Variants in EFCAB7 observed in about 807,000 individuals in gnomAD.
EFCAB7 encodes the protein EF-hand calcium binding domain 7.
In EFCAB7, 66 loss-of-function variants were observed where a neutral mutation model predicts 77.1. The observed-to-expected ratio is 0.86, with a 90% CI of 0.70 to 1.05. The LOEUF is 1.05. Ranked by LOEUF, EFCAB7 falls within the 50% of genes least tolerant of loss-of-function variation. The pLI is 0.00. For missense variants in EFCAB7, 638 were observed against 730.5 expected (o/e 0.87, Z 1.46); for synonymous variants, 225 against 243.3 (o/e 0.92, Z 0.70).
intron 8 of EFCAB7, among the ~76,000 whole-genome samples, chr1:63,554,161 C>T (rs559198886): frequency 1.3e-4 from 20 of 152,046 alleles, no homozygotes; most frequent in Admixed American, 3.9e-4. Context: ...GGACATAATA[C>T]GTGAAAGGAT....
rs1490893218 is a variant in EFCAB7, at chr1:63,546,105, C to T, written c.946+48C>T. ...TTTTTAAAATGTCAATTTGTACCCT[C>T]CTTGAAAGTACTTATGTAAGTATTC... On this transcript the variant is annotated intron_variant, in intron 7 of 13. Transcript: ENST00000371088. 1.9e-6 allele frequency: 3 copies of T among 1,577,868 alleles called. No individual in the cohort carries two copies. The South Asian group carries it at 3.4e-5, about 18-fold the overall frequency.
intron 10 of EFCAB7, among the ~76,000 whole-genome samples, chr1:63,561,137 T>A (rs1301617729): frequency 2.0e-5 from 3 of 152,176 alleles, no homozygotes; most frequent in South Asian, 2.1e-4. Flanking sequence ...CCTGGGAAAA[T>A]GTAGTTGATT....
chr1:63,566,317 AG>A (rs1489030234), intron 11 of EFCAB7, among the ~76,000 whole-genome samples: 2 of 152,238 alleles, frequency 1.3e-5, no homozygotes, highest in African/African-American at 4.8e-5. Flanking sequence ...GGACACATAA[AG>A]GGGAACAACA....
chr1:63,571,670 C>CA (rs10605515), intron 13 of EFCAB7, among the ~76,000 whole-genome samples: 1,119 of 65,190 alleles, frequency 0.017, 60 homozygotes, highest in African/African-American at 0.051. Flanking sequence ...GACTCTGTCT[C>CA]AAAAAAAAAA....
chr1:63,580,270 T>G, the EFCAB7 span, among the ~76,000 whole-genome samples: 1 of 152,008 alleles, frequency 6.6e-6, no homozygotes, highest in Non-Finnish European at 1.5e-5. Context: ...TTGAGGTCCA[T>G]TTTTTTTCAT....
At chr1:63,537,305 C>G (rs1197846988) in intron 6 of EFCAB7, among the ~76,000 whole-genome samples, 4 of 152,122 alleles carry the variant, frequency 2.6e-5, no homozygotes, top group Non-Finnish European at 5.9e-5. Context: ...GTTGTAAACT[C>G]CAGAGATGCA....
At chr1:63,558,658 T>C (rs1049045228) in intron 10 of EFCAB7, among the ~76,000 whole-genome samples, 9 of 152,196 alleles carry the variant, frequency 5.9e-5, no homozygotes, top group African/African-American at 1.9e-4. Context: ...CCCTGAATAA[T>C]AAGAAAATGT....
At chr1:63,565,984 C>A (rs929316483) in intron 11 of EFCAB7, among the ~76,000 whole-genome samples, 2 of 152,180 alleles carry the variant, frequency 1.3e-5, no homozygotes, top group African/African-American at 2.4e-5. Flanking sequence ...TTCAATCCAG[C>A]AATCCTATTA....
chr1:63,530,106 T>C (rs79728893), intron 2 of EFCAB7, among the ~76,000 whole-genome samples: 4,933 of 152,286 alleles, frequency 0.032, 287 homozygotes, highest in African/African-American at 0.11. Context: ...CACCCTATAC[T>C]ATACTTGTGC....
chr1:63,543,745 A>G (rs12082977), intron 6 of EFCAB7, among the ~76,000 whole-genome samples: 2,969 of 152,220 alleles, frequency 0.02, 90 homozygotes, highest in African/African-American at 0.068. Flanking sequence ...TACAGCTAGC[A>G]TACACCTTTT....
At chr1:63,560,556 A>G (rs1383157159) in intron 10 of EFCAB7, among the ~76,000 whole-genome samples, 5 of 125,898 alleles carry the variant, frequency 4.0e-5, no homozygotes, top group Admixed American at 2.0e-4. Flanking sequence ...TCACTCTGTC[A>G]CCCAGGCTGT....
At position 63,546,100 on chromosome 1, in the gene EFCAB7, A is replaced by T. The variant is rs571567228; in HGVS notation, c.946+43A>T. 3.1e-6 allele frequency: 5 copies of T among 1,589,616 alleles called. No homozygotes were observed. In the East Asian group the frequency reaches 9.0e-5, roughly 28 times the overall value. Reference sequence around the variant, plus strand: ...GTATATTTTTAAAATGTCAATTTGTACCCTCCTTGAAAGTACTTATGTAAG... The same window carrying T: ...GTATATTTTTAAAATGTCAATTTGTTCCCTCCTTGAAAGTACTTATGTAAG... On this transcript the variant is annotated intron_variant, in intron 7 of 13. Transcript: ENST00000371088.
chr1:63,556,824 C>T (rs1378992384), intron 9 of EFCAB7, among the ~76,000 whole-genome samples: 2 of 150,652 alleles, frequency 1.3e-5, no homozygotes, highest in Non-Finnish European at 3.0e-5. Context: ...AGATCAAGAC[C>T]ATCCTGGCTA....
At chr1:63,542,685 AT>A (rs1402768759) in intron 6 of EFCAB7, among the ~76,000 whole-genome samples, 2 of 151,940 alleles carry the variant, frequency 1.3e-5, no homozygotes, top group African/African-American at 4.8e-5. Context: ...TGAGGTTATG[AT>A]TTGTCTTTCC....
intron 10 of EFCAB7, 36 bp downstream of exon 10, chr1:63,557,283 A>AAT (rs761210601): frequency 6.8e-5 from 106 of 1,558,692 alleles, no homozygotes; most frequent in Non-Finnish European, 8.5e-5. Flanking sequence ...GATGTATAAA[A>AAT]ATATATATAT....
intron 6 of EFCAB7, among the ~76,000 whole-genome samples, chr1:63,545,408 A>T (rs993036526): frequency 6.6e-6 from 1 of 152,184 alleles, no homozygotes; most frequent in African/African-American, 2.4e-5. Flanking sequence ...AACTTAGATT[A>T]TAGTAAATTA....
intron 1 of EFCAB7, among the ~76,000 whole-genome samples, chr1:63,524,352 C>T (rs895885586): frequency 2.0e-5 from 3 of 152,354 alleles, no homozygotes; most frequent in African/African-American, 7.2e-5. Flanking sequence ...TGTGACACCA[C>T]ATCCCTGTGG....
In EFCAB7 at chr1:63,562,445, TTATTTATATATATATATATATA is replaced by T. The variant is rs1213539839; in HGVS notation, c.1497+592_1497+613del. On this transcript the variant is annotated intron_variant, in intron 11 of 13. Transcript: ENST00000371088. ...AATTTAAAAATTAGGCCTTCTTAAT[TTATTTATATATATATATATATA>T]TATATATATATATATATATATATAT... 7.3e-4 allele frequency among the ~76,000 whole-genome samples: 52 copies of T among 71,066 alleles called. 1 individual carries two copies. The highest frequency in any genetic ancestry group is 1.5e-3 in the Admixed American group (8 of 5,476). The allele number at this position is 71,066 out of a possible 152,430, so 46.6% of individuals were successfully genotyped here.
chr1:63,527,025 A>C (rs527553976), intron 2 of EFCAB7, among the ~76,000 whole-genome samples: 4 of 152,342 alleles, frequency 2.6e-5, no homozygotes, highest in Non-Finnish European at 5.9e-5. Context: ...TCGGCCTCCC[A>C]AAGTGCTGGC....
Sources: gnomAD v4.1 joint callset for allele counts (sites outside exome capture counted in the v4.1 genomes callset) on GRCh38, gnomAD v4.1.1 for gene constraint, MANE v1.5 for transcripts, NCBI Gene and HGNC (gene_info 2026-07-23, HGNC 2026-07-21) for gene names.